ANKS1B: variants seen among roughly 807,000 people sequenced by gnomAD.
ANKS1B encodes the protein ankyrin repeat and sterile alpha motif domain-containing protein 1B.
ANKS1B carries 36 observed loss-of-function variants against 148.3 expected under a neutral mutation model. The ratio of observed to expected loss-of-function variants is 0.24; its 90% CI spans 0.19 to 0.32. The LOEUF (loss-of-function observed/expected upper bound fraction) is 0.32, where lower values mean the gene tolerates loss of function less well. ANKS1B is among the 10% of genes least tolerant of loss of function. The probability of loss-of-function intolerance (pLI) is 1.00; values close to 1 mark genes in which losing one functional copy is unlikely to be tolerated. For synonymous variants in ANKS1B, 542 were observed against 560.8 expected (o/e 0.97, Z 0.47); for missense variants, 1,157 against 1,542.6 (o/e 0.75, Z 4.19).
chr12:98,765,372 T>C lies in ANKS1B; in HGVS notation c.3579+7670A>G, dbSNP rs527614831. 1.3e-3 allele frequency among the ~76,000 whole-genome samples: 205 copies of C among 151,982 alleles called. 2 individuals are homozygous for C. Among genetic ancestry groups the C allele is most frequent in the African/African-American group, 4.7e-3 (195 of 41,456 alleles). On this transcript the variant is annotated intron_variant, in intron 25 of 26. Coordinates refer to ENST00000683438, the MANE Select transcript of ANKS1B (RefSeq NM_001352186.2). ...CTCTGCCTCCTGGTTCAAGTGATTC[T>C]CATGCCTCAGCCTCCCAAGTAGCTG...
chr12:99,893,207 G>A (rs1454322208), intron 1 of ANKS1B, among the ~76,000 whole-genome samples: 7 of 151,864 alleles, frequency 4.6e-5, no homozygotes, highest in Admixed American at 2.0e-4. Flanking sequence ...TCAGGAGATC[G>A]AGACCATCCT....
intron 8 of ANKS1B, among the ~76,000 whole-genome samples, chr12:99,770,180 C>T (rs964190003): frequency 3.3e-5 from 5 of 152,144 alleles, no homozygotes; most frequent in Admixed American, 2.0e-4. Context: ...ACTTAATAAG[C>T]GACTTAAATC....
At chr12:99,288,444 G>T (rs1010709283) in intron 12 of ANKS1B, among the ~76,000 whole-genome samples, 2 of 152,066 alleles carry the variant, frequency 1.3e-5, no homozygotes, top group African/African-American at 4.8e-5. Context: ...AGAAAATAAT[G>T]TTAATGAGCA....
chr12:99,718,816 C>T (rs1366523535), intron 8 of ANKS1B, among the ~76,000 whole-genome samples: 1 of 152,158 alleles, frequency 6.6e-6, no homozygotes, highest in Non-Finnish European at 1.5e-5. Context: ...TTAGACTGAC[C>T]CTGACACCCA....
At chr12:99,978,620 G>C (rs541556689) in intron 1 of ANKS1B, among the ~76,000 whole-genome samples, 1 of 152,146 alleles carries the variant, frequency 6.6e-6, no homozygotes, top group Non-Finnish European at 1.5e-5. Context: ...CTGAAAGTGA[G>C]TTTCTTATAT....
intron 8 of ANKS1B, among the ~76,000 whole-genome samples, chr12:99,768,653 C>G (rs1156622639): frequency 6.6e-6 from 1 of 151,860 alleles, no homozygotes; most frequent in African/African-American, 2.4e-5. Context: ...TGGTGAAACC[C>G]CGTGTCTACT....
chr12:99,846,490 T>A (rs1012794922), intron 1 of ANKS1B, among the ~76,000 whole-genome samples: 2 of 152,144 alleles, frequency 1.3e-5, no homozygotes, highest in African/African-American at 2.4e-5. Context: ...AACCCAAGGA[T>A]TTTTGATAAA....
intron 10 of ANKS1B, among the ~76,000 whole-genome samples, chr12:99,453,252 T>C (rs775329616): frequency 4.6e-4 from 70 of 151,622 alleles, no homozygotes; most frequent in Admixed American, 1.4e-3. Flanking sequence ...ATTGCACCAC[T>C]GCACTCCAGC....
intron 8 of ANKS1B, among the ~76,000 whole-genome samples, chr12:99,764,893 C>T (rs1601687850): frequency 6.6e-6 from 1 of 152,048 alleles, no homozygotes; most frequent in Non-Finnish European, 1.5e-5. Context: ...AATGACATGA[C>T]CAGAATGGCA....
chr12:98,786,567 G>T (rs527859891), intron 22 of ANKS1B, among the ~76,000 whole-genome samples: 1 of 152,328 alleles, frequency 6.6e-6, no homozygotes, highest in East Asian at 1.9e-4. Flanking sequence ...CTTAAAGCAT[G>T]TTCTGAAAAT....
At chr12:99,321,270 T>C (rs922320933) in intron 12 of ANKS1B, among the ~76,000 whole-genome samples, 1 of 152,236 alleles carries the variant, frequency 6.6e-6, no homozygotes, top group African/African-American at 2.4e-5. Flanking sequence ...AAGTTTCTGC[T>C]GCCTTTTGTT....
At chr12:99,867,188 T>C (rs1197100050) in intron 1 of ANKS1B, among the ~76,000 whole-genome samples, 1 of 152,166 alleles carries the variant, frequency 6.6e-6, no homozygotes, top group Non-Finnish European at 1.5e-5. Flanking sequence ...TTTGTTAATA[T>C]TGCTATTCTT....
At chr12:99,249,730 C>T (rs2074327143) in intron 12 of ANKS1B, among the ~76,000 whole-genome samples, 2 of 152,194 alleles carry the variant, frequency 1.3e-5, no homozygotes, top group South Asian at 4.1e-4. Flanking sequence ...TCCTCTCACG[C>T]TGACTCCCTC....
intron 18 of ANKS1B, among the ~76,000 whole-genome samples, chr12:98,830,633 C>T (rs968002053): frequency 2.0e-5 from 3 of 152,214 alleles, no homozygotes; most frequent in Non-Finnish European, 2.9e-5. Context: ...ACGATGGTTA[C>T]GTCCGGGTGC....
intron 1 of ANKS1B, among the ~76,000 whole-genome samples, chr12:99,880,953 T>G (rs1410703000): frequency 6.6e-6 from 1 of 152,210 alleles, no homozygotes; most frequent in Non-Finnish European, 1.5e-5. Context: ...GTTCTGTGGG[T>G]GCTAGTTTTG....
At chr12:98,987,427 A>AT (rs1206846427) in intron 17 of ANKS1B, among the ~76,000 whole-genome samples, 1 of 152,190 alleles carries the variant, frequency 6.6e-6, no homozygotes, top group Non-Finnish European at 1.5e-5. Flanking sequence ...AGTAAAACAG[A>AT]TTTTGACCTT....
intron 17 of ANKS1B, among the ~76,000 whole-genome samples, chr12:98,960,693 A>G (rs996744436): frequency 2.6e-5 from 4 of 152,172 alleles, no homozygotes; most frequent in Non-Finnish European, 1.5e-5. Flanking sequence ...AGAGACAGAG[A>G]TATGTAACCT....
intron 15 of ANKS1B, among the ~76,000 whole-genome samples, chr12:99,087,546 C>T (rs1378103627): frequency 6.6e-6 from 1 of 152,206 alleles, no homozygotes; most frequent in Non-Finnish European, 1.5e-5. Context: ...GCTGAGAATA[C>T]AAATGACTTC....
intron 17 of ANKS1B, among the ~76,000 whole-genome samples, chr12:98,836,190 G>C (rs1447672650): frequency 2.0e-5 from 3 of 152,082 alleles, no homozygotes. Context: ...TCATCATGAG[G>C]CTTCTTAAGA....
Sources: allele counts gnomAD v4.1 joint callset (sites outside exome capture counted in the v4.1 genomes callset), GRCh38; gene constraint gnomAD v4.1.1; transcripts MANE v1.5; gene names NCBI Gene and HGNC (gene_info 2026-07-23, HGNC 2026-07-21).